OSR1: variants seen among roughly 807,000 people sequenced by gnomAD.
The protein encoded by OSR1 is odd-skipped related transcription factor 1.
A neutral mutation model predicts 15.7 loss-of-function variants in OSR1; 3 were observed. The observed-to-expected ratio is 0.19, with a 90% CI of 0.09 to 0.50. The LOEUF is 0.50. OSR1 is among the 20% of genes least tolerant of loss of function. The pLI is 0.97. For synonymous variants in OSR1, 166 were observed against 152.7 expected (o/e 1.09, Z -0.64); for missense variants, 271 against 351.1 (o/e 0.77, Z 1.82).
downstream of OSR1, among the ~76,000 whole-genome samples, chr2:19,350,252 A>T (rs1664809845): frequency 6.6e-6 from 1 of 152,148 alleles, no homozygotes. Context: ...TTGAGGTGCC[A>T]AGTCCTGGGC....
chr2:19,349,834 T>G (rs1255024829), downstream of OSR1, among the ~76,000 whole-genome samples: 2 of 152,180 alleles, frequency 1.3e-5, no homozygotes, highest in Admixed American at 6.5e-5. Flanking sequence ...CTGGTTGTTT[T>G]GGAGCAACCA....
At position 19,352,179 on chromosome 2, in the gene OSR1, C is replaced by G. The variant is rs1664854317; in HGVS notation, c.*96G>C. On this transcript the variant is annotated 3_prime_UTR_variant, in exon 3 of 3. Transcript: ENST00000272223. Reference sequence around the variant, plus strand: ...TGTTGGAGAGGTGGAAGGTCCCGAGCGAGCGCCTCTCCCGCTGCCCGCCAG... The same window carrying G: ...TGTTGGAGAGGTGGAAGGTCCCGAGGGAGCGCCTCTCCCGCTGCCCGCCAG... 1 of 1,403,902 alleles carries G rather than the reference C, an allele frequency of 7.1e-7. No homozygotes were observed. Among genetic ancestry groups the G allele is most frequent in the Admixed American group, 2.0e-5 (1 of 48,838 alleles). The allele number at this position is 1,403,902 out of a possible 1,614,324, so 87.0% of individuals were successfully genotyped here. A position where few individuals can be genotyped will look rare whatever the true frequency, so the allele number is the denominator to read the frequency against.
At position 19,352,249 on chromosome 2, in the gene OSR1, G is replaced by A. The variant is rs1664856857; in HGVS notation, c.*26C>T. 1.2e-6 allele frequency: 2 copies of A among 1,612,988 alleles called. No homozygotes were observed. Among genetic ancestry groups the A allele is most frequent in the African/African-American group, 1.3e-5 (1 of 74,900 alleles). On this transcript the variant is annotated 3_prime_UTR_variant, in exon 3 of 3. Coordinates refer to ENST00000272223, the MANE Select transcript of OSR1 (RefSeq NM_145260.3). Reference sequence around the variant, plus strand: ...ATGGAGGAGAGGGCCGCTGGGCCTAGGGTCCTTGTGACCCACAGGTTCTAT... The same window carrying A: ...ATGGAGGAGAGGGCCGCTGGGCCTAAGGTCCTTGTGACCCACAGGTTCTAT...
In OSR1 at chr2:19,353,543, G is replaced by A. The variant is rs758705032; in HGVS notation, c.263C>T (p.Ala88Val). The part of the protein sequence containing the change: ...SLVDARFQLP[A>V]FPWFPHVIQP... ...AATGACATGAGGGAACCAGGGAAAG[G>A]CGGGCAGCTGGAAGCGCGCATCCAC... is the stretch of plus-strand genomic sequence containing the variant. The change falls in exon 2 of 3, where the codon GCC becomes GTC. Residue 88 changes from alanine (A) to valine (V), a missense_variant. Physicochemically the swap from Ala to Val is moderately conservative, Grantham distance 64. Coordinates refer to ENST00000272223, the MANE Select transcript of OSR1 (RefSeq NM_145260.3). 6.2e-7 allele frequency: 1 copy of A among 1,614,224 alleles called. No individual in the cohort carries two copies. Among genetic ancestry groups the A allele is most frequent in the Non-Finnish European group, 8.5e-7 (1 of 1,180,038 alleles).
chr2:19,350,333 G>T (rs1471940275), downstream of OSR1, among the ~76,000 whole-genome samples: 1 of 152,180 alleles, frequency 6.6e-6, no homozygotes, highest in Non-Finnish European at 1.5e-5. Flanking sequence ...GTCCGCGCCG[G>T]CAGGGCCAGC....
At chr2:19,353,897 G>T in intron 1 of OSR1, 60 bp from the exon 2 acceptor site, 1 of 1,357,562 alleles carries the variant, frequency 7.4e-7, no homozygotes, top group Non-Finnish European at 9.9e-7. Flanking sequence ...AGGGTGGGTC[G>T]CCTTCCTCCT....
At chr2:19,347,849 C>G (rs564444896), downstream of OSR1, among the ~76,000 whole-genome samples, 4 of 152,256 alleles carry the variant, frequency 2.6e-5, no homozygotes, top group Non-Finnish European at 5.9e-5. Context: ...CCCGCATTAG[C>G]CAAGCGCCAC....
intron 1 of OSR1, 80 bp downstream of exon 1, chr2:19,358,261 C>T (rs1438776065): frequency 6.6e-6 from 1 of 152,542 alleles, no homozygotes; most frequent in East Asian, 1.9e-4. Flanking sequence ...AGAGGAGGCA[C>T]CCGCCGAGCA....
Position 19,358,493 on chromosome 2 carries a change from C to A in OSR1, c.-185G>T, listed in dbSNP as rs1272626250. The A allele has an allele frequency of 1.3e-5, 2 of 152,048 alleles. No individual in the cohort carries two copies. Among genetic ancestry groups the A allele is most frequent in the Non-Finnish European group, 2.9e-5 (2 of 68,060 alleles). The allele number at this position is 152,048 out of a possible 1,614,324, so 9.4% of individuals were successfully genotyped here. A position where few individuals can be genotyped will look rare whatever the true frequency, so the allele number is the denominator to read the frequency against. On this transcript the variant is annotated 5_prime_UTR_variant, in exon 1 of 3. Coordinates refer to ENST00000272223, the MANE Select transcript of OSR1 (RefSeq NM_145260.3). The stretch of plus-strand genomic sequence containing the variant: ...GCGGGGACTCCAAGCGCCGGACACG[C>A]GGGAGCGAGCGCTCAGCAGCCCCGG...
At position 19,351,654 on chromosome 2, in the gene OSR1, C is replaced by G. The variant is rs1664842129; in HGVS notation, c.*621G>C. 2 of 152,858 alleles carry G rather than the reference C, an allele frequency of 1.3e-5. No homozygotes were observed. 9.5% of individuals were successfully genotyped at this position (152,858 alleles called of 1,614,324 possible). A position where few individuals can be genotyped will look rare whatever the true frequency, so the allele number is the denominator to read the frequency against. The stretch of plus-strand genomic sequence containing the variant: ...GCGGAGGCCGGGCCCCCTGCAGACC[C>G]CAGGCCCGAGGTCCCCGTCCCGCTC... On this transcript the variant is annotated 3_prime_UTR_variant, in exon 3 of 3. Transcript: ENST00000272223.
Position 19,353,742 on chromosome 2 carries a change from A to C in OSR1, c.64T>G (p.Ser22Ala). 1 of 1,613,992 alleles carries C rather than the reference A, an allele frequency of 6.2e-7. No individual in the cohort carries two copies. The highest frequency in any genetic ancestry group is 8.5e-7 in the Non-Finnish European group (1 of 1,179,982). The stretch of plus-strand genomic sequence containing the variant: ...AGGCCGTTCACTGCCTGAAGGAAGG[A>C]GTAGTTGGTGAGCTGCAGGGAAGGG... ...IHPSLQLTNY[S>A]FLQAVNGLPT... is the part of the protein sequence containing the mutation. Residue 22 changes from serine to alanine, a missense_variant, in exon 2 of 3, where the codon TCC (serine) becomes GCC (alanine). By Grantham distance (99) the Ser-to-Ala change is moderately conservative. This residue lies in a region of OSR1 where 210 missense variants were observed against 218.4 expected (regional missense o/e 0.96). Coordinates refer to ENST00000272223, the MANE Select transcript of OSR1 (RefSeq NM_145260.3).
At chr2:19,345,367 A>C in the OSR1 span, among the ~76,000 whole-genome samples, 1 of 151,900 alleles carries the variant, frequency 6.6e-6, no homozygotes, top group Non-Finnish European at 1.5e-5. Flanking sequence ...TTTAGACATG[A>C]AGTCCTTGCC....
At chr2:19,358,156 AG>A (rs1172824516) in intron 1 of OSR1, 184 bp downstream of exon 1, 1 of 152,308 alleles carries the variant, frequency 6.6e-6, no homozygotes, top group Non-Finnish European at 1.5e-5. Context: ...CCGCGCAGGA[AG>A]TCCTGAGGCA....
At chr2:19,349,152 A>AC (rs1558357941), downstream of OSR1, among the ~76,000 whole-genome samples, 1 of 152,170 alleles carries the variant, frequency 6.6e-6, no homozygotes, top group East Asian at 1.9e-4. Flanking sequence ...AACATTTCTG[A>AC]CCCTCTCAAT....
downstream of OSR1, among the ~76,000 whole-genome samples, chr2:19,349,797 G>GTA (rs539315809): frequency 3.3e-4 from 50 of 151,274 alleles, 1 homozygote; most frequent in South Asian, 0.01. Context: ...AGGGCACCCT[G>GTA]TGTGTGTGTG....
downstream of OSR1, among the ~76,000 whole-genome samples, chr2:19,347,164 A>T (rs1664747007): frequency 6.6e-6 from 1 of 152,180 alleles, no homozygotes; most frequent in Admixed American, 6.5e-5. Context: ...CTGGGAATAC[A>T]GTAGGTTGGG....
the OSR1 span, among the ~76,000 whole-genome samples, chr2:19,345,551 TA>T: frequency 6.6e-6 from 1 of 152,202 alleles, no homozygotes; most frequent in Admixed American, 6.5e-5. Flanking sequence ...CACCATTTAT[TA>T]AAAAGAATAT....
At chr2:19,354,060 C>T (rs1395689160) in intron 1 of OSR1, 3 of 489,982 alleles carry the variant, frequency 6.1e-6, no homozygotes, top group Non-Finnish European at 1.1e-5. Flanking sequence ...TCTAAGGGCT[C>T]CCTCCAAATG....
intron 1 of OSR1, chr2:19,354,120 C>A (rs1664900974): frequency 6.2e-6 from 2 of 321,538 alleles, no homozygotes; most frequent in African/African-American, 2.1e-5. Flanking sequence ...CTACTGTATG[C>A]AAGACACTGA....
Sources: allele counts gnomAD v4.1 joint callset (sites outside exome capture counted in the v4.1 genomes callset), GRCh38; gene constraint gnomAD v4.1.1; regional missense constraint gnomAD v4.1.1; transcripts MANE v1.5; gene names NCBI Gene and HGNC (gene_info 2026-07-23, HGNC 2026-07-21).